Variants in TAFA4 observed in about 807,000 individuals in gnomAD.
TAFA4 encodes the protein chemokine-like protein TAFA-4.
Under a neutral mutation model 21.1 loss-of-function variants are expected in TAFA4, and 20 were observed. The ratio of observed to expected loss-of-function variants is 0.95; its 90% confidence interval spans 0.67 to 1.38. The LOEUF is 1.38. Among genes scored for constraint, TAFA4 ranks in the 40% most tolerant of loss-of-function variants. The pLI, the probability that TAFA4 is intolerant of heterozygous loss-of-function variation, is 0.00. For synonymous variants in TAFA4, 71 were observed against 67.4 expected (o/e 1.05, Z -0.26); for missense variants, 211 against 180.9 (o/e 1.17, Z -0.95).
At chr3:68,889,808 T>C (rs2089712866) in intron 1 of TAFA4, among the ~76,000 whole-genome samples, 1 of 152,148 alleles carries the variant, frequency 6.6e-6, no homozygotes, top group East Asian at 1.9e-4. Context: ...CCATGAGAAT[T>C]GTCTCAAATA....
intron 3 of TAFA4, among the ~76,000 whole-genome samples, chr3:68,828,354 A>C (rs541054218): frequency 6.6e-6 from 1 of 152,210 alleles, no homozygotes; most frequent in Non-Finnish European, 1.5e-5. Flanking sequence ...TGTCTTGCCT[A>C]TACAGGGTCT....
chr3:68,827,704 A>G (rs900872794), intron 3 of TAFA4, among the ~76,000 whole-genome samples: 20 of 152,176 alleles, frequency 1.3e-4, no homozygotes, highest in Non-Finnish European at 2.5e-4. Context: ...GTGTCTGTTC[A>G]TATCCCTTGC....
At chr3:68,814,416 C>T (rs991301247) in intron 3 of TAFA4, among the ~76,000 whole-genome samples, 19 of 152,224 alleles carry the variant, frequency 1.2e-4, no homozygotes, top group South Asian at 4.2e-4. Context: ...ATCTAGAAAA[C>T]GCCATTGTCT....
chr3:68,885,111 T>G, intron 2 of TAFA4, 64 bp downstream of exon 2: 1 of 1,542,274 alleles, frequency 6.5e-7, no homozygotes, highest in Non-Finnish European at 8.9e-7. Flanking sequence ...GGATACTCAC[T>G]TTTGCTAAAT....
intron 3 of TAFA4, among the ~76,000 whole-genome samples, chr3:68,799,518 G>C (rs1703526219): frequency 6.6e-6 from 1 of 152,082 alleles, no homozygotes; most frequent in South Asian, 2.1e-4. Flanking sequence ...CATAGCACCT[G>C]GTAAAAGAGG....
intron 3 of TAFA4, among the ~76,000 whole-genome samples, chr3:68,827,973 T>C (rs1012742092): frequency 6.6e-6 from 1 of 152,200 alleles, no homozygotes. Context: ...ATGTCCTGAA[T>C]GGTATTTCCT....
intron 3 of TAFA4, among the ~76,000 whole-genome samples, chr3:68,871,824 G>C (rs1399466455): frequency 6.6e-6 from 1 of 151,874 alleles, no homozygotes; most frequent in Non-Finnish European, 1.5e-5. Context: ...TAATCAACAG[G>C]GAAATGCAAG....
chr3:68,806,195 T>A (rs957424813), intron 3 of TAFA4, among the ~76,000 whole-genome samples: 3 of 152,058 alleles, frequency 2.0e-5, no homozygotes, highest in Admixed American at 2.0e-4. Context: ...GAAAAAAAAA[T>A]AATACTTTCC....
intron 4 of TAFA4, among the ~76,000 whole-genome samples, chr3:68,740,961 A>C (rs755338965): frequency 1.4e-4 from 22 of 152,152 alleles, no homozygotes; most frequent in Admixed American, 3.9e-4. Context: ...CTATAAATGA[A>C]TGGATTTATT....
intron 3 of TAFA4, among the ~76,000 whole-genome samples, chr3:68,796,602 C>T (rs975938451): frequency 3.3e-5 from 5 of 152,024 alleles, no homozygotes; most frequent in African/African-American, 1.2e-4. Flanking sequence ...TAGATATGAC[C>T]AAAAGCGTAA....
At chr3:68,762,232 G>A (rs941610908) in intron 3 of TAFA4, among the ~76,000 whole-genome samples, 4 of 151,898 alleles carry the variant, frequency 2.6e-5, no homozygotes, top group Non-Finnish European at 4.4e-5. Flanking sequence ...GCAGAAGAAT[G>A]GAGGTAAATC....
chr3:68,777,085 G>C (rs1346396394), intron 3 of TAFA4, among the ~76,000 whole-genome samples: 1 of 151,982 alleles, frequency 6.6e-6, no homozygotes, highest in Non-Finnish European at 1.5e-5. Flanking sequence ...ACACTGCATA[G>C]ACATTTCAAT....
intron 3 of TAFA4, among the ~76,000 whole-genome samples, chr3:68,822,868 G>C (rs1235762167): frequency 6.6e-6 from 1 of 152,166 alleles, no homozygotes; most frequent in East Asian, 1.9e-4. Flanking sequence ...CTCTAAAATT[G>C]TTTATTTGCT....
intron 4 of TAFA4, among the ~76,000 whole-genome samples, chr3:68,745,806 GAGTTGGA>G (rs1361526252): frequency 6.6e-5 from 10 of 152,178 alleles, no homozygotes; most frequent in Non-Finnish European, 1.5e-4. Flanking sequence ...CACTTTTCAT[GAGTTGGA>G]TTCTTACTTG....
chr3:68,810,902 C>T (rs568849014), intron 3 of TAFA4, among the ~76,000 whole-genome samples: 2 of 152,290 alleles, frequency 1.3e-5, no homozygotes, highest in South Asian at 2.1e-4. Context: ...CCCCGAGTAG[C>T]CTAACTGGGA....
At chr3:68,923,173 G>A (rs2090076401) in intron 1 of TAFA4, among the ~76,000 whole-genome samples, 2 of 152,290 alleles carry the variant, frequency 1.3e-5, no homozygotes, top group South Asian at 4.1e-4. Flanking sequence ...TTAATTTCAA[G>A]TATATTTAAA....
chr3:68,924,787 C>T (rs2090092186), intron 1 of TAFA4, among the ~76,000 whole-genome samples: 1 of 152,106 alleles, frequency 6.6e-6, no homozygotes, highest in African/African-American at 2.4e-5. Context: ...TGGCCAGCAT[C>T]CAGAGAAAGC....
intron 3 of TAFA4, among the ~76,000 whole-genome samples, chr3:68,864,373 T>C (rs2089389769): frequency 1.3e-5 from 2 of 152,126 alleles, no homozygotes; most frequent in Non-Finnish European, 2.9e-5. Context: ...ATTAGGTTCA[T>C]GCAAATTAAA....
At chr3:68,808,254 C>A (rs1266332527) in intron 3 of TAFA4, among the ~76,000 whole-genome samples, 1 of 152,128 alleles carries the variant, frequency 6.6e-6, no homozygotes, top group East Asian at 1.9e-4. Context: ...AATGACCCTT[C>A]CACTGGCAGT....
Sources: gnomAD v4.1 joint callset for allele counts (sites outside exome capture counted in the v4.1 genomes callset) on GRCh38, gnomAD v4.1.1 for gene constraint, MANE v1.5 for transcripts, NCBI Gene and HGNC (gene_info 2026-07-23, HGNC 2026-07-21) for gene names.